Variants in GOLGA1 observed in about 807,000 individuals in gnomAD.
GOLGA1 encodes the protein golgin A1.
Under a neutral mutation model 119.7 loss-of-function variants are expected in GOLGA1, and 63 were observed. The ratio of observed to expected loss-of-function variants is 0.53; its 90% CI spans 0.43 to 0.65. The LOEUF (loss-of-function observed/expected upper bound fraction) is 0.65, where lower values mean the gene tolerates loss of function less well. Ranked by LOEUF, GOLGA1 falls within the 30% of genes least tolerant of loss-of-function variation. The pLI, the probability that GOLGA1 is intolerant of heterozygous loss-of-function variation, is 0.00. For missense variants in GOLGA1, 798 were observed against 912.8 expected (o/e 0.87, Z 1.62); for synonymous variants, 318 against 333.4 (o/e 0.95, Z 0.50).
At position 124,879,451 on chromosome 9, in the gene GOLGA1, G is replaced by C. The variant is rs1157261594; in HGVS notation, c.*1079C>G. 5 of 152,036 alleles carry C rather than the reference G, an allele frequency of 3.3e-5. No homozygotes were observed. The highest frequency in any genetic ancestry group is 6.6e-5 in the Admixed American group (1 of 15,248). 9.4% of individuals were successfully genotyped at this position (152,036 alleles called of 1,614,324 possible). A position where few individuals can be genotyped will look rare whatever the true frequency, so the allele number is the denominator to read the frequency against. On this transcript the variant is annotated 3_prime_UTR_variant, in exon 23 of 23. Transcript: ENST00000373555. ...AGTATTTGGGGTGGGATGAGGGAGA[G>C]AGAGCAGCTCCACAGACAAGGCAGA...
chr9:124,905,974 G>A (rs182318058), intron 12 of GOLGA1, among the ~76,000 whole-genome samples: 54 of 152,036 alleles, frequency 3.6e-4, no homozygotes, highest in Middle Eastern at 3.4e-3. Flanking sequence ...TTAGTCGGGC[G>A]TGGTGGCACG....
chr9:124,884,106 G>T lies in GOLGA1; in HGVS notation c.1906-1537C>A, dbSNP rs542945869. ...GGCTCTCTGCAACCTCTGCCTCCTG[G>T]GTTCAAGCAATTCTCCCACCTCAGT... is the stretch of plus-strand genomic sequence containing the variant. On this transcript the variant is annotated intron_variant, in intron 19 of 22. Coordinates refer to ENST00000373555, the MANE Select transcript of GOLGA1 (RefSeq NM_002077.4). Among the ~76,000 whole-genome samples, 9 of 151,852 alleles carry T rather than the reference G, an allele frequency of 5.9e-5. 1 individual carries two copies. The highest frequency in any genetic ancestry group is 2.2e-4 in the African/African-American group (9 of 41,362).
At chr9:124,931,233 C>T (rs1588095493) in intron 4 of GOLGA1, 83 bp downstream of exon 4, 2 of 743,614 alleles carry the variant, frequency 2.7e-6, no homozygotes, top group Non-Finnish European at 5.0e-6. Flanking sequence ...ACTATAAAGT[C>T]ATCCTATATG....
Position 124,899,721 on chromosome 9 carries a change from G to A in GOLGA1, c.1162-243C>T, listed in dbSNP as rs868191977. ...TCAAGGTGTGTGGGGACAGCTCTGG[G>A]CACCAGCCAGCCCTTAGACACAGGC... On this transcript the variant is annotated intron_variant, in intron 13 of 22. Transcript: ENST00000373555. 7.2e-5 allele frequency among the ~76,000 whole-genome samples: 11 copies of A among 152,232 alleles called. No homozygotes were observed. In the South Asian group the frequency reaches 1.7e-3, roughly 23 times the overall value.
In GOLGA1 at chr9:124,901,712, G is replaced by A. The variant is rs1417663832; in HGVS notation, c.1066-1165C>T. On this transcript the variant is annotated intron_variant, in intron 12 of 22. Transcript: ENST00000373555. Reference sequence around the variant, plus strand: ...GGCCTCCCAAAGTGCTGCAATTACAGGCATGAGCCACCGCACCTGGTTGCT... The same window carrying A: ...GGCCTCCCAAAGTGCTGCAATTACAAGCATGAGCCACCGCACCTGGTTGCT... Among the ~76,000 whole-genome samples the A allele has an allele frequency of 2.0e-5, 3 of 152,324 alleles. No individual in the cohort carries two copies. In the East Asian group the frequency reaches 5.8e-4, roughly 29 times the overall value.
intron 3 of GOLGA1, among the ~76,000 whole-genome samples, chr9:124,937,192 C>A (rs181660617): frequency 6.6e-6 from 1 of 152,020 alleles, no homozygotes; most frequent in East Asian, 1.9e-4. Flanking sequence ...GGTGGCTCAC[C>A]CCTGTAATCC....
At chr9:124,892,667 T>C (rs903400281) in intron 15 of GOLGA1, among the ~76,000 whole-genome samples, 1 of 152,160 alleles carries the variant, frequency 6.6e-6, no homozygotes, top group African/African-American at 2.4e-5. Flanking sequence ...GCATGGTGGC[T>C]CACGCCTGTA....
At position 124,923,058 on chromosome 9, in the gene GOLGA1, C is replaced by T. The variant is rs766442472; in HGVS notation, c.561+37G>A. Reference sequence around the variant, plus strand: ...TAGTAAAATCAGAGTGAATAATCATCTATTCAGTATTTAGCTACTAAAACA... The same window carrying T: ...TAGTAAAATCAGAGTGAATAATCATTTATTCAGTATTTAGCTACTAAAACA... On this transcript the variant is annotated intron_variant, in intron 8 of 22. Transcript: ENST00000373555. 1.7e-5 allele frequency: 25 copies of T among 1,443,630 alleles called. No individual in the cohort carries two copies. In the South Asian group the frequency reaches 2.6e-4, roughly 15 times the overall value. The allele number at this position is 1,443,630 out of a possible 1,614,324, so 89.4% of individuals were successfully genotyped here.
chr9:124,889,438 C>T lies in GOLGA1; in HGVS notation c.1596G>A (p.Glu532=). Residue 532 remains glutamate (E), a synonymous_variant, in exon 17 of 23, where the codon GAG becomes GAA. Transcript: ENST00000373555. ...LQKEQEILQL[E]RGHNSALLQI... The stretch of plus-strand genomic sequence containing the variant: ...AGCCAGGGACCGACTCCTCACCTCG[C>T]TCCAGCTGGAGAATCTCCTGCTCTT... 6.2e-7 allele frequency: 1 copy of T among 1,610,008 alleles called. No homozygotes were observed. The highest frequency in any genetic ancestry group is 8.5e-7 in the Non-Finnish European group (1 of 1,176,096).
At chr9:124,929,413 G>C (rs1334336348) in intron 4 of GOLGA1, 123 bp from the exon 5 acceptor site, 2 of 701,978 alleles carry the variant, frequency 2.8e-6, no homozygotes, top group Non-Finnish European at 5.2e-6. Flanking sequence ...TTCCTGTTAA[G>C]GAAAGCTAGA....
chr9:124,925,795 A>G (rs1830661074), intron 7 of GOLGA1, among the ~76,000 whole-genome samples: 2 of 152,114 alleles, frequency 1.3e-5, no homozygotes, highest in Non-Finnish European at 2.9e-5. Context: ...TGTTTTATGG[A>G]AAAAAAATAG....
intron 12 of GOLGA1, among the ~76,000 whole-genome samples, 183 bp downstream of exon 12, chr9:124,908,194 A>C (rs753452259): frequency 3.3e-5 from 5 of 152,262 alleles, no homozygotes; most frequent in Non-Finnish European, 7.3e-5. Flanking sequence ...ATAAACATAT[A>C]ACTCAATCAT....
intron 7 of GOLGA1, among the ~76,000 whole-genome samples, chr9:124,923,762 A>G (rs975078021): frequency 3.3e-5 from 5 of 151,892 alleles, no homozygotes; most frequent in African/African-American, 1.2e-4. Flanking sequence ...GTGTTGATAG[A>G]TATGAGCCAT....
At chr9:124,935,051 GA>G (rs894207277) in intron 3 of GOLGA1, among the ~76,000 whole-genome samples, 33 of 150,242 alleles carry the variant, frequency 2.2e-4, no homozygotes, top group African/African-American at 8.0e-4. Context: ...CTGTCTCAAA[GA>G]AAAAAAAAGG....
intron 19 of GOLGA1, among the ~76,000 whole-genome samples, chr9:124,883,751 T>C (rs904107904): frequency 4.6e-5 from 7 of 151,754 alleles, no homozygotes; most frequent in Admixed American, 4.6e-4. Flanking sequence ...CCCGGCCTTT[T>C]TTGTTTTCTT....
rs59532757 is a variant in GOLGA1 at position 124,904,877 on chromosome 9, G to A, written c.1065+3500C>T. On this transcript the variant is annotated intron_variant, in intron 12 of 22. Coordinates refer to ENST00000373555, the MANE Select transcript of GOLGA1 (RefSeq NM_002077.4). Reference sequence around the variant, plus strand: ...TGCTTGAACCAGGACACAGGAGGCAGAGAGAGCAGTGAGCCAAGATTGCAC... The same window carrying A: ...TGCTTGAACCAGGACACAGGAGGCAAAGAGAGCAGTGAGCCAAGATTGCAC... Among the ~76,000 whole-genome samples, 1,478 of 150,190 alleles carry A rather than the reference G, an allele frequency of 9.8e-3. 19 individuals are homozygous for A. Among genetic ancestry groups the A allele is most frequent in the African/African-American group, 0.034 (1,407 of 40,788 alleles).
rs189256418 is a variant in GOLGA1, at chr9:124,912,110, T to C, written c.844-84A>G. The C allele has an allele frequency of 2.5e-5, 30 of 1,207,108 alleles. No homozygotes were observed. In the East Asian group the frequency reaches 6.7e-4, roughly 27 times the overall value. The allele number at this position is 1,207,108 out of a possible 1,614,324, so 74.8% of individuals were successfully genotyped here. ...TTTCTTTTGGGCCATCACATTTTCC[T>C]GCAACTCTGTCCTCAACTGTATCCT... On this transcript the variant is annotated intron_variant, in intron 10 of 22. Transcript: ENST00000373555.
chr9:124,903,859 G>A (rs954779558), intron 12 of GOLGA1, among the ~76,000 whole-genome samples: 1 of 152,068 alleles, frequency 6.6e-6, no homozygotes, highest in Non-Finnish European at 1.5e-5. Context: ...GACCATCTTG[G>A]TCAACATGGT....
At chr9:124,900,113 C>T in intron 13 of GOLGA1, 1 of 228,242 alleles carries the variant, frequency 4.4e-6, no homozygotes, top group Non-Finnish European at 8.7e-6. Context: ...CCATCCTCCC[C>T]AGAGTCTGGA....
Sources: allele counts gnomAD v4.1 joint callset (sites outside exome capture counted in the v4.1 genomes callset), GRCh38; gene constraint gnomAD v4.1.1; transcripts MANE v1.5; gene names NCBI Gene and HGNC (gene_info 2026-07-23, HGNC 2026-07-21).